Variants in ADCY1 observed in about 807,000 individuals in gnomAD.
The protein encoded by ADCY1 is adenylate cyclase 1.
In ADCY1, 28 loss-of-function variants were observed where a neutral mutation model predicts 105.4. The ratio of observed to expected loss-of-function variants is 0.27; its 90% CI spans 0.20 to 0.36. The LOEUF is 0.36. Among genes scored for constraint, ADCY1 ranks in the 10% least tolerant of loss-of-function variants. The probability of loss-of-function intolerance (pLI) is 1.00; values close to 1 mark genes in which losing one functional copy is unlikely to be tolerated. For missense variants in ADCY1, 977 were observed against 1,434.2 expected, an observed-to-expected ratio of 0.68 and a Z score of 5.15; for synonymous variants, 655 against 623.8, an observed-to-expected ratio of 1.05 and a Z score of -0.75.
intron 3 of ADCY1, among the ~76,000 whole-genome samples, chr7:45,611,809 G>A (rs146273892): frequency 1.6e-3 from 236 of 152,190 alleles, no homozygotes; most frequent in African/African-American, 5.2e-3. Context: ...GGTGTTTGAG[G>A]GACCTGAAAC....
chr7:45,714,542 G>A lies in ADCY1; in HGVS notation c.*547G>A, dbSNP rs918548268. The A allele has an allele frequency of 6.3e-6, 1 of 159,778 alleles. No homozygotes were observed. The highest frequency in any genetic ancestry group is 2.4e-5 in the African/African-American group (1 of 41,558). The allele number at this position is 159,778 out of a possible 1,614,324, so 9.9% of individuals were successfully genotyped here. ...CCTCTCTGGGAAGGTCACAAGGCCTGGGGTTGTTCACACCACAGGCACAAT... is the reference window on the plus strand; with the variant it reads ...CCTCTCTGGGAAGGTCACAAGGCCTAGGGTTGTTCACACCACAGGCACAAT... On this transcript the variant is annotated 3_prime_UTR_variant, in exon 20 of 20. Coordinates refer to ENST00000297323, the MANE Select transcript of ADCY1 (RefSeq NM_021116.4).
In ADCY1 at chr7:45,591,960, G is replaced by A. The variant is rs1236551417; in HGVS notation, c.640-799G>A. Among the ~76,000 whole-genome samples the A allele has an allele frequency of 6.6e-6, 1 of 152,220 alleles. No individual in the cohort carries two copies. Among genetic ancestry groups the A allele is most frequent in the Non-Finnish European group, 1.5e-5 (1 of 68,042 alleles). On this transcript the variant is annotated intron_variant, in intron 1 of 19. Coordinates refer to ENST00000297323, the MANE Select transcript of ADCY1 (RefSeq NM_021116.4). This position sits in a 1 kb window ranked among gnomAD's most constrained non-coding sequence, Gnocchi z 4.1. ...GAAGTGGGGACAGGACTAAGGGAGA[G>A]TGCAGAGACCGGGCTCTGGACACTG...
intron 4 of ADCY1, among the ~76,000 whole-genome samples, chr7:45,626,049 C>T (rs1359035614): frequency 6.6e-6 from 1 of 152,212 alleles, no homozygotes; most frequent in Non-Finnish European, 1.5e-5. Flanking sequence ...GACCTACCAG[C>T]CCCTAATGCG....
At chr7:45,594,222 A>G (rs1231608091) in intron 2 of ADCY1, among the ~76,000 whole-genome samples, 2 of 151,918 alleles carry the variant, frequency 1.3e-5, no homozygotes, top group Non-Finnish European at 2.9e-5. Context: ...GTGTATGCGC[A>G]TGTGTTGATG....
At chr7:45,577,006 T>G (rs1792369404) in intron 1 of ADCY1, among the ~76,000 whole-genome samples, 1 of 151,740 alleles carries the variant, frequency 6.6e-6, no homozygotes, top group African/African-American at 2.4e-5. Flanking sequence ...GAGGGGAGAG[T>G]CTATAAAGGA....
intron 1 of ADCY1, among the ~76,000 whole-genome samples, chr7:45,581,665 T>C (rs1386138096): frequency 6.6e-6 from 1 of 152,124 alleles, no homozygotes; most frequent in East Asian, 1.9e-4. Flanking sequence ...CATAACCCCC[T>C]TGTGGAGTTC....
At chr7:45,577,077 C>T (rs190117847) in intron 1 of ADCY1, among the ~76,000 whole-genome samples, 1 of 152,254 alleles carries the variant, frequency 6.6e-6, no homozygotes, top group Admixed American at 6.5e-5. Context: ...CTGTGACTGT[C>T]ACTGTAGTGG....
intron 11 of ADCY1, among the ~76,000 whole-genome samples, chr7:45,681,114 C>A (rs1200044804): frequency 6.6e-6 from 1 of 152,246 alleles, no homozygotes; most frequent in Non-Finnish European, 1.5e-5. Flanking sequence ...GAAGCAAAAT[C>A]TGCACCCAAT....
At chr7:45,641,932 C>CAAACAAAAAAA (rs542212780) in intron 4 of ADCY1, among the ~76,000 whole-genome samples, 1 of 36,406 alleles carries the variant, frequency 2.7e-5, no homozygotes, top group Non-Finnish European at 5.1e-5. Flanking sequence ...GACTCCGTCT[C>CAAACAAAAAAA]AAAAAAAAAA....
intron 14 of ADCY1, among the ~76,000 whole-genome samples, chr7:45,701,960 C>T (rs749289147): frequency 1.3e-5 from 2 of 152,184 alleles, no homozygotes; most frequent in South Asian, 2.1e-4. Flanking sequence ...CACCTGGCGC[C>T]GTCTATCTCC....
intron 4 of ADCY1, among the ~76,000 whole-genome samples, chr7:45,648,034 T>C (rs1794709128): frequency 1.3e-5 from 2 of 152,254 alleles, no homozygotes. Context: ...TACAGGGTCT[T>C]AGAGTTAACT....
At chr7:45,668,533 G>C (rs1775362260) in intron 8 of ADCY1, among the ~76,000 whole-genome samples, 1 of 152,188 alleles carries the variant, frequency 6.6e-6, no homozygotes, top group Non-Finnish European at 1.5e-5. Context: ...CGGTTTGCCA[G>C]TATTTTACTG....
Position 45,686,187 on chromosome 7 carries a change from C to G in ADCY1, c.2299C>G (p.Leu767Val). ...SGLTTSYILV[L>V]ELSGYTRTGG... ...GCTCACCACGTCCTACATCCTCGTT[C>G]TGGAGCTCAGCGGATACACCAGGAC... is the stretch of plus-strand genomic sequence containing the variant. The change falls in exon 13 of 20, where the codon CTG becomes GTG. Residue 767 changes from leucine (L) to valine (V), a missense_variant. Leu to Val is a conservative substitution (Grantham distance 32). Coordinates refer to ENST00000297323, the MANE Select transcript of ADCY1 (RefSeq NM_021116.4). This position sits in a 1 kb window ranked among gnomAD's most constrained non-coding sequence, Gnocchi z 4.3. 1 of 1,614,102 alleles carries G rather than the reference C, an allele frequency of 6.2e-7. No individual in the cohort carries two copies. The highest frequency in any genetic ancestry group is 8.5e-7 in the Non-Finnish European group (1 of 1,179,990).
intron 3 of ADCY1, among the ~76,000 whole-genome samples, chr7:45,621,075 C>CT (rs1447454934): frequency 3.3e-5 from 5 of 150,968 alleles, no homozygotes; most frequent in Admixed American, 6.6e-5. Flanking sequence ...TGTTCAAATC[C>CT]TTTTTTTTTG....
chr7:45,682,452 A>T (rs1584328684), intron 11 of ADCY1, among the ~76,000 whole-genome samples: 1 of 152,250 alleles, frequency 6.6e-6, no homozygotes, highest in East Asian at 1.9e-4. Context: ...GGAGGTGTGC[A>T]CTGGCTGGAC....
intron 3 of ADCY1, among the ~76,000 whole-genome samples, chr7:45,614,725 G>A (rs1793691535): frequency 1.3e-5 from 2 of 152,208 alleles, no homozygotes; most frequent in African/African-American, 2.4e-5. Flanking sequence ...ATAGAGCAAA[G>A]ATGGCTGTGC....
chr7:45,608,317 C>T (rs937338237), intron 2 of ADCY1, among the ~76,000 whole-genome samples: 14 of 152,214 alleles, frequency 9.2e-5, no homozygotes, highest in Non-Finnish European at 2.1e-4. Context: ...CTAGAACAAG[C>T]TGTTTTTAAG....
intron 2 of ADCY1, among the ~76,000 whole-genome samples, chr7:45,608,824 G>A (rs1406620261): frequency 6.6e-6 from 1 of 152,142 alleles, no homozygotes; most frequent in Non-Finnish European, 1.5e-5. Context: ...CTATAGTGAG[G>A]GCTCGGGTGG....
intron 14 of ADCY1, among the ~76,000 whole-genome samples, chr7:45,700,809 G>T (rs187092962): frequency 6.6e-6 from 1 of 152,290 alleles, no homozygotes; most frequent in Non-Finnish European, 1.5e-5. Flanking sequence ...CAGGTTCTGT[G>T]GTTACTGGTC....
Sources: gnomAD v4.1 joint callset for allele counts (sites outside exome capture counted in the v4.1 genomes callset) on GRCh38, gnomAD v4.1.1 for gene constraint, Gnocchi (gnomAD v3.1) non-coding constraint, MANE v1.5 for transcripts, NCBI Gene and HGNC (gene_info 2026-07-23, HGNC 2026-07-21) for gene names.